RABGAP1L: variants seen among roughly 807,000 people sequenced by gnomAD.
RABGAP1L encodes the protein RAB GTPase activating protein 1 like.
RABGAP1L carries 63 observed loss-of-function variants against 137.7 expected under a neutral mutation model. The observed-to-expected ratio is 0.46, with a 90% confidence interval of 0.37 to 0.56. RABGAP1L has a LOEUF of 0.56. Ranked by LOEUF, RABGAP1L falls within the 20% of genes least tolerant of loss-of-function variation. The pLI is 0.00. For synonymous variants in RABGAP1L, 431 were observed against 433.7 expected (o/e 0.99, Z 0.08); for missense variants, 1,095 against 1,244.0 (o/e 0.88, Z 1.80).
At chr1:174,728,458 A>G (rs1308142100) in intron 17 of RABGAP1L, among the ~76,000 whole-genome samples, 1 of 152,222 alleles carries the variant, frequency 6.6e-6, no homozygotes, top group Admixed American at 6.5e-5. Context: ...AATGCTGCTA[A>G]AAGAAATCAC....
intron 19 of RABGAP1L, among the ~76,000 whole-genome samples, chr1:174,850,911 G>T (rs1364559648): frequency 6.6e-6 from 1 of 152,224 alleles, no homozygotes; most frequent in South Asian, 2.1e-4. Flanking sequence ...GACCACTTGA[G>T]AAAGAAGGCA....
intron 15 of RABGAP1L, among the ~76,000 whole-genome samples, chr1:174,690,327 G>A (rs1311261784): frequency 2.0e-5 from 3 of 152,016 alleles, no homozygotes; most frequent in African/African-American, 2.4e-5. Flanking sequence ...TACATATTTT[G>A]TACCTAGCAC....
chr1:174,295,522 A>G (rs1185887716), intron 10 of RABGAP1L, among the ~76,000 whole-genome samples: 2 of 151,938 alleles, frequency 1.3e-5, no homozygotes, highest in Admixed American at 6.6e-5. Context: ...AGCTGGGACT[A>G]CAGGTGGCCA....
chr1:174,320,670 C>G (rs1679878776), intron 11 of RABGAP1L, among the ~76,000 whole-genome samples: 1 of 152,104 alleles, frequency 6.6e-6, no homozygotes, highest in Non-Finnish European at 1.5e-5. Context: ...AGTCTCTGAA[C>G]ATAAATTGTG....
At chr1:174,282,365 A>G (rs1558096956) in intron 10 of RABGAP1L, among the ~76,000 whole-genome samples, 1 of 152,146 alleles carries the variant, frequency 6.6e-6, no homozygotes, top group Non-Finnish European at 1.5e-5. Context: ...TTGCAATGTC[A>G]ATTTACATTT....
chr1:174,332,846 GA>G (rs1418870402), intron 11 of RABGAP1L, among the ~76,000 whole-genome samples: 1 of 152,152 alleles, frequency 6.6e-6, no homozygotes, highest in Non-Finnish European at 1.5e-5. Context: ...CAAAGGAAAT[GA>G]AATCAGTATG....
chr1:174,191,981 T>C (rs1352624088), intron 1 of RABGAP1L, among the ~76,000 whole-genome samples: 1 of 152,316 alleles, frequency 6.6e-6, no homozygotes, highest in Middle Eastern at 3.4e-3. Flanking sequence ...GAGTCTGCTT[T>C]CTGTGCAGCA....
At chr1:174,836,534 G>C (rs1446684598) in intron 19 of RABGAP1L, among the ~76,000 whole-genome samples, 1 of 152,158 alleles carries the variant, frequency 6.6e-6, no homozygotes, top group Non-Finnish European at 1.5e-5. Context: ...TCAAAGTTGA[G>C]AAATATGTTT....
At chr1:174,554,891 AATG>A (rs1321962529) in intron 13 of RABGAP1L, among the ~76,000 whole-genome samples, 2 of 152,214 alleles carry the variant, frequency 1.3e-5, no homozygotes, top group Admixed American at 1.3e-4. Flanking sequence ...AATAATAAAC[AATG>A]ATAATTTCCT....
chr1:174,448,536 C>A lies in RABGAP1L; in HGVS notation c.1710+54391C>A. 1 of 1,611,494 alleles carries A rather than the reference C, an allele frequency of 6.2e-7. No individual in the cohort carries two copies. The highest frequency in any genetic ancestry group is 2.2e-5 in the East Asian group (1 of 44,824). On this transcript the variant is annotated intron_variant, in intron 13 of 25. Transcript: ENST00000681986. The surrounding 1 kb of genome is among the most constrained non-coding windows in gnomAD (Gnocchi z 4.2). The stretch of plus-strand genomic sequence containing the variant: ...TGCATCAGTGTGGATCGTTATCTTG[C>A]AATAACCAAGCCTCTTTCCTACAAT...
chr1:174,652,412 G>C (rs540214595), intron 14 of RABGAP1L, among the ~76,000 whole-genome samples: 2 of 152,162 alleles, frequency 1.3e-5, no homozygotes, highest in Non-Finnish European at 2.9e-5. Flanking sequence ...GCCTTTTTCC[G>C]CTGGTTTTTC....
rs1226472476 is a variant in RABGAP1L, at chr1:174,990,598, G to A, written c.*597G>A. 1 of 152,228 alleles carries A rather than the reference G, an allele frequency of 6.6e-6. No individual in the cohort carries two copies. The highest frequency in any genetic ancestry group is 1.5e-5 in the Non-Finnish European group (1 of 68,070). 9.4% of individuals were successfully genotyped at this position (152,228 alleles called of 1,614,324 possible). ...TCTGTTCGGTACATCTGGAAATGAA[G>A]TGCCAGGAATAGACGGGCTGTTCAG... On this transcript the variant is annotated 3_prime_UTR_variant, in exon 26 of 26. Coordinates refer to ENST00000681986, the MANE Select transcript of RABGAP1L (RefSeq NM_001366446.1).
At chr1:174,440,506 G>A (rs1304662256) in intron 13 of RABGAP1L, among the ~76,000 whole-genome samples, 7 of 152,146 alleles carry the variant, frequency 4.6e-5, no homozygotes, top group Non-Finnish European at 4.4e-5. Flanking sequence ...TTCTGAATGC[G>A]TAAGCCTTTT....
intron 13 of RABGAP1L, among the ~76,000 whole-genome samples, chr1:174,481,903 G>T (rs893137591): frequency 1.3e-4 from 18 of 140,928 alleles, no homozygotes; most frequent in South Asian, 2.3e-4. Context: ...GAAAAAAAAA[G>T]AAAAAAAAAA....
chr1:174,683,209 C>G (rs1678213925), intron 14 of RABGAP1L, among the ~76,000 whole-genome samples: 1 of 152,132 alleles, frequency 6.6e-6, no homozygotes, highest in Admixed American at 6.5e-5. Flanking sequence ...TTGCCTCTGC[C>G]TCCTGTGGCC....
At chr1:174,251,897 A>ATT (rs747467937) in intron 6 of RABGAP1L, among the ~76,000 whole-genome samples, 12 of 140,122 alleles carry the variant, frequency 8.6e-5, no homozygotes, top group South Asian at 4.6e-4. Context: ...TCATGTTGTC[A>ATT]TTTTTTTTTT....
chr1:174,685,926 A>G (rs528128602), intron 15 of RABGAP1L, among the ~76,000 whole-genome samples: 1 of 152,328 alleles, frequency 6.6e-6, no homozygotes, highest in Non-Finnish European at 1.5e-5. Flanking sequence ...GTGGAGATAT[A>G]TGTTCAGCAG....
At chr1:174,274,683 G>A (rs963190736) in intron 8 of RABGAP1L, among the ~76,000 whole-genome samples, 1 of 151,054 alleles carries the variant, frequency 6.6e-6, no homozygotes, top group Non-Finnish European at 1.5e-5. Flanking sequence ...TGTTGGGGCT[G>A]CTGAGAGGGT....
intron 19 of RABGAP1L, among the ~76,000 whole-genome samples, chr1:174,936,113 C>A (rs563585935): frequency 1.3e-5 from 2 of 151,402 alleles, no homozygotes; most frequent in African/African-American, 2.4e-5. Context: ...ACCACTAGTG[C>A]TGATATTAGA....
Sources: gnomAD v4.1 joint callset for allele counts (sites outside exome capture counted in the v4.1 genomes callset) on GRCh38, gnomAD v4.1.1 for gene constraint, Gnocchi (gnomAD v3.1) non-coding constraint, MANE v1.5 for transcripts, NCBI Gene and HGNC (gene_info 2026-07-23, HGNC 2026-07-21) for gene names.